Variants in KCNMA1 observed in about 807,000 individuals in gnomAD.
The protein encoded by KCNMA1 is Calcium-activated potassium channel subunit alpha-1.
Under a neutral mutation model 140.0 loss-of-function variants are expected in KCNMA1, and 29 were observed. The observed-to-expected ratio is 0.21, with a 90% CI of 0.15 to 0.28. KCNMA1 has a LOEUF of 0.28. Among genes scored for constraint, KCNMA1 ranks in the 10% least tolerant of loss-of-function variants. KCNMA1 has a pLI of 1.00. For synonymous variants in KCNMA1, 612 were observed against 611.9 expected, an observed-to-expected ratio of 1.00 and a Z score of 0.00; for missense variants, 880 against 1,602.2, an observed-to-expected ratio of 0.55 and a Z score of 7.70.
At chr10:77,584,003 G>C (rs573160889) in intron 1 of KCNMA1, among the ~76,000 whole-genome samples, 18 of 152,200 alleles carry the variant, frequency 1.2e-4, no homozygotes, top group Non-Finnish European at 2.4e-4. Context: ...GGATTTATGG[G>C]GTAAGATGAT....
intron 5 of KCNMA1, among the ~76,000 whole-genome samples, chr10:77,146,792 T>G (rs1027608335): frequency 6.6e-6 from 1 of 150,852 alleles, no homozygotes; most frequent in African/African-American, 2.4e-5. Flanking sequence ...GACAATAAAT[T>G]GATCTACGTG....
intron 29 of KCNMA1, among the ~76,000 whole-genome samples, chr10:76,879,033 C>T (rs1446050136): frequency 4.6e-5 from 7 of 152,120 alleles, no homozygotes; most frequent in Non-Finnish European, 1.0e-4. Context: ...CAATTTGTAA[C>T]TGCCTTGTCA....
In KCNMA1 at chr10:77,041,950, A is replaced by C. The variant is rs149563510; in HGVS notation, c.1750-2313T>G. Reference sequence around the variant, plus strand: ...GCACACCTACCATCTACTTGGTGACACTCCAGCATACAAAAGCCAGAAAAA... The same window carrying C: ...GCACACCTACCATCTACTTGGTGACCCTCCAGCATACAAAAGCCAGAAAAA... On this transcript the variant is annotated intron_variant, in intron 14 of 27. Coordinates refer to ENST00000286628, the MANE Select transcript of KCNMA1 (RefSeq NM_001161352.2). Among the ~76,000 whole-genome samples, 127 of 152,262 alleles carry C rather than the reference A, an allele frequency of 8.3e-4. 2 individuals carry two copies. The East Asian group carries it at 0.017, about 21-fold the overall frequency.
intron 3 of KCNMA1, among the ~76,000 whole-genome samples, chr10:77,198,847 G>A (rs60802493): frequency 0.02 from 3,027 of 152,098 alleles, 96 homozygotes; most frequent in African/African-American, 0.068. Context: ...GTTCTGACAG[G>A]GGAAGAGCAA....
At chr10:77,634,581 G>A in intron 1 of KCNMA1, 1 of 982,976 alleles carries the variant, frequency 1.0e-6, no homozygotes, top group Non-Finnish European at 1.2e-6. Context: ...TCCAGCTCTT[G>A]ATCAAACCAT....
chr10:77,344,342 T>C (rs747080195), intron 2 of KCNMA1, among the ~76,000 whole-genome samples: 3 of 152,092 alleles, frequency 2.0e-5, no homozygotes, highest in Non-Finnish European at 4.4e-5. Flanking sequence ...TTTCAATTCA[T>C]TGAGAGGTGA....
chr10:76,983,816 G>T (rs1388922146), intron 19 of KCNMA1, among the ~76,000 whole-genome samples: 2 of 151,414 alleles, frequency 1.3e-5, no homozygotes. Context: ...CTCCCCTTCT[G>T]TAACCTCAAT....
chr10:76,924,866 G>A (rs2057194835), intron 23 of KCNMA1, among the ~76,000 whole-genome samples: 2 of 152,262 alleles, frequency 1.3e-5, no homozygotes, highest in Admixed American at 1.3e-4. Flanking sequence ...AACCCACAAT[G>A]CCCCATGCAC....
rs191992649 is a variant in KCNMA1 at position 77,078,895 on chromosome 10, C to T, written c.1593+586G>A. 1.7e-3 allele frequency among the ~76,000 whole-genome samples: 257 copies of T among 152,330 alleles called. 1 individual carries two copies. The highest frequency in any genetic ancestry group is 0.01 in the Middle Eastern group (3 of 294). On this transcript the variant is annotated intron_variant, in intron 13 of 27. Coordinates refer to ENST00000286628, the MANE Select transcript of KCNMA1 (RefSeq NM_001161352.2). ...AATCAATAGTTCTGAACCTCGGGTT[C>T]CAATAGACACTTCCCGAATGAATGA...
At chr10:76,909,917 T>C (rs924264749) in intron 25 of KCNMA1, 49 bp downstream of exon 25, 1 of 1,600,312 alleles carries the variant, frequency 6.2e-7, no homozygotes, top group Non-Finnish European at 8.5e-7. Flanking sequence ...GGTGCTCTAT[T>C]GGCACATCCT....
At chr10:77,030,760 T>C (rs145173742) in intron 15 of KCNMA1, among the ~76,000 whole-genome samples, 1 of 152,278 alleles carries the variant, frequency 6.6e-6, no homozygotes, top group Non-Finnish European at 1.5e-5. Context: ...TCCTTAACCT[T>C]ATAGGGGATG....
At position 77,359,028 on chromosome 10, in the gene KCNMA1, C is replaced by T. The variant is rs181982601; in HGVS notation, c.540+44834G>A. Among the ~76,000 whole-genome samples, 3 of 152,278 alleles carry T rather than the reference C, an allele frequency of 2.0e-5. No homozygotes were observed. The East Asian group carries it at 5.8e-4, about 29-fold the overall frequency. On this transcript the variant is annotated intron_variant, in intron 2 of 27. Coordinates refer to ENST00000286628, the MANE Select transcript of KCNMA1 (RefSeq NM_001161352.2). Reference sequence around the variant, plus strand: ...TTTGTGCATGTGCCCACACCATTTCCTCAAGTTCTTGCTCCTAAAGGTAAC... The same window carrying T: ...TTTGTGCATGTGCCCACACCATTTCTTCAAGTTCTTGCTCCTAAAGGTAAC...
chr10:77,118,494 T>C (rs1430516351), intron 6 of KCNMA1, among the ~76,000 whole-genome samples: 2 of 152,176 alleles, frequency 1.3e-5, no homozygotes, highest in African/African-American at 2.4e-5. Flanking sequence ...CATCCTCCTC[T>C]TTCCATCACA....
intron 3 of KCNMA1, among the ~76,000 whole-genome samples, chr10:77,198,568 GAT>G (rs3998087): frequency 0.035 from 4,839 of 138,330 alleles, 73 homozygotes; most frequent in South Asian, 0.075. Flanking sequence ...ATATATATGT[GAT>G]ATATATATAT....
chr10:77,123,280 T>C (rs1048173264), intron 5 of KCNMA1, among the ~76,000 whole-genome samples: 1 of 151,624 alleles, frequency 6.6e-6, no homozygotes, highest in Non-Finnish European at 1.5e-5. Context: ...CCAAGATTTT[T>C]ATACCCAGTC....
intron 5 of KCNMA1, among the ~76,000 whole-genome samples, chr10:77,157,162 C>T (rs1047605511): frequency 6.6e-6 from 1 of 152,162 alleles, no homozygotes; most frequent in African/African-American, 2.4e-5. Flanking sequence ...AACATGTAGG[C>T]CAGGCACAGT....
chr10:77,136,892 A>T (rs1220580464), intron 5 of KCNMA1, among the ~76,000 whole-genome samples: 2 of 152,194 alleles, frequency 1.3e-5, no homozygotes, highest in African/African-American at 2.4e-5. Context: ...ACTCACATGC[A>T]AGATTCAGTC....
intron 2 of KCNMA1, among the ~76,000 whole-genome samples, chr10:77,293,832 G>A (rs570164685): frequency 7.9e-5 from 12 of 152,340 alleles, no homozygotes; most frequent in Admixed American, 4.6e-4. Context: ...CCCAAAATGC[G>A]ACTAATCTGG....
chr10:77,201,694 ATTTCTT>A (rs1554973056), intron 3 of KCNMA1, among the ~76,000 whole-genome samples: 1 of 152,108 alleles, frequency 6.6e-6, no homozygotes, highest in Non-Finnish European at 1.5e-5. Flanking sequence ...TTTTTAAGTT[ATTTCTT>A]TTTCTTTTTA....
Sources: gnomAD v4.1 joint callset for allele counts (sites outside exome capture counted in the v4.1 genomes callset) on GRCh38, gnomAD v4.1.1 for gene constraint, MANE v1.5 for transcripts, NCBI Gene and HGNC (gene_info 2026-07-23, HGNC 2026-07-21) for gene names.